Variants in ZCCHC17 observed in about 807,000 individuals in gnomAD.
The protein encoded by ZCCHC17 is zinc finger CCHC domain-containing protein 17.
ZCCHC17 carries 18 observed loss-of-function variants against 30.6 expected under a neutral mutation model. The observed-to-expected ratio is 0.59, with a 90% CI of 0.41 to 0.87. ZCCHC17 has a LOEUF of 0.87. Ranked by LOEUF, ZCCHC17 falls within the 40% of genes least tolerant of loss-of-function variation. The probability of loss-of-function intolerance (pLI) is 0.00; values close to 1 mark genes in which losing one functional copy is unlikely to be tolerated. For synonymous variants in ZCCHC17, 88 were observed against 92.4 expected, an observed-to-expected ratio of 0.95 and a Z score of 0.27; for missense variants, 263 against 284.2, an observed-to-expected ratio of 0.93 and a Z score of 0.54.
At chr1:31,344,823 A>G (rs899760544) in intron 5 of ZCCHC17, among the ~76,000 whole-genome samples, 7 of 151,980 alleles carry the variant, frequency 4.6e-5, no homozygotes, top group Non-Finnish European at 1.0e-4. Context: ...TCCTTGAGTT[A>G]TGTCCTCAAG....
chr1:31,334,349 G>A (rs1012090527), intron 3 of ZCCHC17, among the ~76,000 whole-genome samples: 1 of 83,632 alleles, frequency 1.2e-5, no homozygotes, highest in Non-Finnish European at 2.3e-5. Context: ...GTGTGTGTGT[G>A]TGTGTGTGTG....
In ZCCHC17 at chr1:31,364,341, C is replaced by A; in HGVS notation, c.*148C>A. 1 of 1,389,964 alleles carries A rather than the reference C, an allele frequency of 7.2e-7. No homozygotes were observed. Among genetic ancestry groups the A allele is most frequent in the Non-Finnish European group, 9.5e-7 (1 of 1,051,794 alleles). The allele number at this position is 1,389,964 out of a possible 1,614,324, so 86.1% of individuals were successfully genotyped here. On this transcript the variant is annotated 3_prime_UTR_variant, in exon 8 of 8. Transcript: ENST00000344147. ...AGATGGCTTCCCCTCATGCAACAGG[C>A]AGGTTTGGGAGTTAGAGGTCAAAAG...
intron 7 of ZCCHC17, 30 bp from the exon 8 acceptor site, chr1:31,364,002 C>A: frequency 6.2e-7 from 1 of 1,607,178 alleles, no homozygotes; most frequent in Non-Finnish European, 8.5e-7. Flanking sequence ...TATACACATA[C>A]AGTGTTGATT....
chr1:31,347,812 G>A (rs1639329656), intron 6 of ZCCHC17, among the ~76,000 whole-genome samples: 1 of 152,030 alleles, frequency 6.6e-6, no homozygotes, highest in African/African-American at 2.4e-5. Flanking sequence ...GGGTTTCCCT[G>A]TGTTGCCCAG....
Position 31,310,112 on chromosome 1 carries a change from G to A in ZCCHC17, c.14G>A (p.Arg5Lys), listed in dbSNP as rs143231637. Reference sequence around the variant, plus strand: ...AGAATATTAAGGATGAATTCAGGAAGGCCTGAGACCATGGAAAACTTGCCT... The same window carrying A: ...AGAATATTAAGGATGAATTCAGGAAAGCCTGAGACCATGGAAAACTTGCCT... MNSGRPETMENLPAL... is the reference protein window; with the variant it reads MNSGKPETMENLPAL... The change falls in exon 2 of 8, where the codon AGG becomes AAG. Residue 5 changes from arginine to lysine, a missense_variant. Transcript: ENST00000344147. 7 of 1,613,922 alleles carry A rather than the reference G, an allele frequency of 4.3e-6. No individual in the cohort carries two copies. In the African/African-American group the frequency reaches 9.3e-5, roughly 22 times the overall value.
In ZCCHC17 at chr1:31,364,066, C is replaced by T. The variant is rs542115314; in HGVS notation, c.599C>T (p.Ser200Leu). The T allele has an allele frequency of 6.2e-7, 1 of 1,613,692 alleles. No individual in the cohort carries two copies. The highest frequency in any genetic ancestry group is 1.1e-5 in the South Asian group (1 of 91,038). ...KKKKKHRDRK[S>L]SDSDSSDSES... is the part of the protein sequence containing the mutation. Reference sequence around the variant, plus strand: ...AAAAAGAAACATAGAGATAGGAAGTCATCTGACTCTGACAGCTCAGACTCT... The same window carrying T: ...AAAAAGAAACATAGAGATAGGAAGTTATCTGACTCTGACAGCTCAGACTCT... Residue 200 changes from serine to leucine, a missense_variant, in exon 8 of 8, where the codon TCA becomes TTA. Physicochemically the swap from Ser to Leu is moderately radical, Grantham distance 145. Transcript: ENST00000344147.
At chr1:31,358,715 G>A (rs1212092337) in intron 7 of ZCCHC17, among the ~76,000 whole-genome samples, 1 of 151,994 alleles carries the variant, frequency 6.6e-6, no homozygotes, top group Admixed American at 6.6e-5. Context: ...GGTTTGGGAG[G>A]GGGCGGGGCA....
intron 3 of ZCCHC17, among the ~76,000 whole-genome samples, chr1:31,334,303 A>ATCTCTCTC (rs373770669): frequency 5.1e-3 from 263 of 51,378 alleles, no homozygotes; most frequent in Middle Eastern, 0.013. Context: ...ATCCATGTGC[A>ATCTCTCTC]TCTCTCTCTC....
rs550292156 is a variant in ZCCHC17, at chr1:31,309,912, A to G, written c.-55-132A>G. ...ACTCCCCACAATTAGAATAAACAAA[A>G]GAGATTTGGATAAAAGTGTATGGTG... On this transcript the variant is annotated intron_variant, in intron 1 of 7. Transcript: ENST00000344147. 47 of 462,490 alleles carry G rather than the reference A, an allele frequency of 1.0e-4. No individual in the cohort carries two copies. In the East Asian group the frequency reaches 1.5e-3, roughly 15 times the overall value. The allele number at this position is 462,490 out of a possible 1,614,324, so 28.6% of individuals were successfully genotyped here. A position where few individuals can be genotyped will look rare whatever the true frequency, so the allele number is the denominator to read the frequency against.
chr1:31,335,076 A>T (rs1569857145), intron 3 of ZCCHC17, among the ~76,000 whole-genome samples: 1 of 152,262 alleles, frequency 6.6e-6, no homozygotes, highest in Non-Finnish European at 1.5e-5. Context: ...TATGTTTCTC[A>T]GTTATGTTTC....
chr1:31,348,803 A>G (rs771550699), intron 6 of ZCCHC17, 26 bp from the exon 7 acceptor site: 18 of 1,611,958 alleles, frequency 1.1e-5, no homozygotes, highest in Admixed American at 1.0e-4. Context: ...TCCTTTTTCT[A>G]TACCTTTTCT....
At chr1:31,363,258 A>T (rs1209773765) in intron 7 of ZCCHC17, among the ~76,000 whole-genome samples, 1 of 146,540 alleles carries the variant, frequency 6.8e-6, no homozygotes, top group Non-Finnish European at 1.5e-5. Context: ...ATCTTAGCTC[A>T]CTGCAAGCTC....
chr1:31,305,973 A>T (rs935267072), intron 1 of ZCCHC17, among the ~76,000 whole-genome samples: 2 of 152,064 alleles, frequency 1.3e-5, no homozygotes, highest in Non-Finnish European at 2.9e-5. Context: ...GCACTGCTGA[A>T]CCCAGTTGCT....
chr1:31,347,338 G>C (rs905735204), intron 6 of ZCCHC17, among the ~76,000 whole-genome samples: 28 of 152,134 alleles, frequency 1.8e-4, no homozygotes, highest in Non-Finnish European at 3.5e-4. Context: ...CTCATTTTCA[G>C]GTTGACCTCA....
chr1:31,340,845 G>C (rs1274615557), intron 5 of ZCCHC17, among the ~76,000 whole-genome samples: 3 of 152,168 alleles, frequency 2.0e-5, no homozygotes, highest in African/African-American at 7.2e-5. Context: ...TGAAAAGTTT[G>C]GAAAGCCTTA....
chr1:31,341,655 C>T (rs559006460), intron 5 of ZCCHC17, among the ~76,000 whole-genome samples: 2 of 152,290 alleles, frequency 1.3e-5, no homozygotes, highest in East Asian at 3.9e-4. Flanking sequence ...TAGAGCTAGA[C>T]TTGAATCAGA....
chr1:31,299,125 A>T (rs1448432625), intron 1 of ZCCHC17, among the ~76,000 whole-genome samples: 1 of 152,206 alleles, frequency 6.6e-6, no homozygotes, highest in Non-Finnish European at 1.5e-5. Flanking sequence ...GGACAAGAAA[A>T]TGTAGGTAGT....
chr1:31,316,176 A>G lies in ZCCHC17; in HGVS notation c.67-2933A>G, dbSNP rs117840646. Among the ~76,000 whole-genome samples the G allele has an allele frequency of 5.8e-3, 882 of 152,290 alleles. 70 individuals are homozygous for G. The East Asian group carries it at 0.14, about 25-fold the overall frequency. On this transcript the variant is annotated intron_variant, in intron 2 of 7. Coordinates refer to ENST00000344147, the MANE Select transcript of ZCCHC17 (RefSeq NM_016505.4). Reference sequence around the variant, plus strand: ...GAGTGCAGTAGCATGATCTTGGCTCACTGCAACCATGACCTCCTGTGTTCA... The same window carrying G: ...GAGTGCAGTAGCATGATCTTGGCTCGCTGCAACCATGACCTCCTGTGTTCA...
chr1:31,330,297 C>T (rs150543811), intron 3 of ZCCHC17, among the ~76,000 whole-genome samples: 2 of 152,308 alleles, frequency 1.3e-5, no homozygotes, highest in East Asian at 3.9e-4. Context: ...TCCAAGTTGT[C>T]AGGTTTCGTT....
Sources: gnomAD v4.1 joint callset for allele counts (sites outside exome capture counted in the v4.1 genomes callset) on GRCh38, gnomAD v4.1.1 for gene constraint, MANE v1.5 for transcripts, NCBI Gene and HGNC (gene_info 2026-07-23, HGNC 2026-07-21) for gene names.